Variants in VSTM5 observed in about 807,000 individuals in gnomAD.
VSTM5 encodes V-set and transmembrane domain containing 5, also known as V-set and transmembrane domain-containing protein 5.
VSTM5 carries 21 observed loss-of-function variants against 20.3 expected under a neutral mutation model. The observed-to-expected ratio is 1.03, with a 90% CI of 0.73 to 1.49. VSTM5 has a LOEUF of 1.49. VSTM5 is among the 40% of genes most tolerant of loss of function. VSTM5 has a pLI of 0.00. For missense variants in VSTM5, 219 were observed against 250.0 expected, an observed-to-expected ratio of 0.88 and a Z score of 0.84; for synonymous variants, 100 against 102.5, an observed-to-expected ratio of 0.98 and a Z score of 0.14.
In VSTM5 at chr11:93,820,729, G is replaced by A. The variant is rs1284620889; in HGVS notation, c.559+14C>T. 1.3e-6 allele frequency: 2 copies of A among 1,551,570 alleles called. No individual in the cohort carries two copies. Among genetic ancestry groups the A allele is most frequent in the African/African-American group, 1.4e-5 (1 of 73,034 alleles). ...AAAACCACTCATGGATTATCACAAG[G>A]CCCAGGGGGTTACCTTTGAGTTTGT... On this transcript the variant is annotated intron_variant, in intron 3 of 3. Transcript: ENST00000409977.
At chr11:93,825,191 A>G (rs1013891233) in intron 1 of VSTM5, among the ~76,000 whole-genome samples, 1 of 152,178 alleles carries the variant, frequency 6.6e-6, no homozygotes, top group African/African-American at 2.4e-5. Flanking sequence ...TTCTTGAGAC[A>G]GGGTCTCCCT....
intron 1 of VSTM5, among the ~76,000 whole-genome samples, chr11:93,837,506 T>C (rs1944333512): frequency 6.6e-6 from 1 of 151,908 alleles, no homozygotes; most frequent in South Asian, 2.1e-4. Context: ...AGCAAGGGCT[T>C]CAGAGGAAAT....
At chr11:93,844,413 G>T (rs11821265) in intron 1 of VSTM5, among the ~76,000 whole-genome samples, 17,100 of 151,978 alleles carry the variant, frequency 0.11, 1,764 homozygotes, top group African/African-American at 0.28. Flanking sequence ...GACCCACATC[G>T]CCCTTCTCCT....
intron 1 of VSTM5, among the ~76,000 whole-genome samples, chr11:93,835,839 G>A (rs1944318919): frequency 6.6e-6 from 1 of 152,214 alleles, no homozygotes; most frequent in Non-Finnish European, 1.5e-5. Flanking sequence ...CAGGGGGTAA[G>A]GAGGAGGAAC....
At chr11:93,829,158 C>T (rs1944261362) in intron 1 of VSTM5, among the ~76,000 whole-genome samples, 1 of 152,182 alleles carries the variant, frequency 6.6e-6, no homozygotes, top group African/African-American at 2.4e-5. Flanking sequence ...GACCAACTGC[C>T]CCAGTTTGTC....
At chr11:93,829,042 G>T (rs987497196) in intron 1 of VSTM5, among the ~76,000 whole-genome samples, 1 of 152,186 alleles carries the variant, frequency 6.6e-6, no homozygotes, top group Non-Finnish European at 1.5e-5. Context: ...GTAAGGCTCA[G>T]CAACAGGCCG....
chr11:93,845,194 T>C (rs770858955), intron 1 of VSTM5, among the ~76,000 whole-genome samples: 1 of 152,168 alleles, frequency 6.6e-6, no homozygotes, highest in Non-Finnish European at 1.5e-5. Context: ...CCCTCAGAGA[T>C]AGTGATCTAA....
Position 93,821,019 on chromosome 11 carries a change from G to T in VSTM5, c.396C>A (p.Gly132=), listed in dbSNP as rs1944178763. ...TACCAGAGACGTGCAGCACGATGGT[G>T]CCAAACTGGCTGCTCCCCAGGCGCT... ...VTERLGSSQF[G]TIVLHVSEIL... The change falls in exon 2 of 4, where the codon GGC becomes GGA. Residue 132 remains glycine, a synonymous_variant. Coordinates refer to ENST00000409977, the MANE Select transcript of VSTM5 (RefSeq NM_001144871.2). The T allele has an allele frequency of 6.4e-7, 1 of 1,551,602 alleles. No individual in the cohort carries two copies. Among genetic ancestry groups the T allele is most frequent in the Non-Finnish European group, 8.7e-7 (1 of 1,147,004 alleles).
chr11:93,838,558 G>A (rs1485743402), intron 1 of VSTM5, among the ~76,000 whole-genome samples: 6 of 151,070 alleles, frequency 4.0e-5, no homozygotes, highest in Non-Finnish European at 5.9e-5. Context: ...TTGGGAGGCC[G>A]AGGTGGGCAG....
At chr11:93,824,357 C>G (rs1030367847) in intron 1 of VSTM5, among the ~76,000 whole-genome samples, 2 of 152,124 alleles carry the variant, frequency 1.3e-5, no homozygotes, top group Non-Finnish European at 2.9e-5. Context: ...TAATAGCCAG[C>G]CTAACAGGAG....
intron 1 of VSTM5, among the ~76,000 whole-genome samples, chr11:93,840,059 C>T (rs2135737702): frequency 6.6e-6 from 1 of 152,242 alleles, no homozygotes; most frequent in Non-Finnish European, 1.5e-5. Context: ...TGGAATAGTC[C>T]CTCTTACAGG....
At position 93,850,396 on chromosome 11, in the gene VSTM5, G is replaced by A; in HGVS notation, c.91+16C>T. ...TTCCCGCTCCCCCAGCACCCGGGGC[G>A]TCCCCCGGAGCTTACTCTGCAGACA... On this transcript the variant is annotated intron_variant, in intron 1 of 3. Transcript: ENST00000409977. The A allele has an allele frequency of 1.3e-6, 2 of 1,544,116 alleles. No individual in the cohort carries two copies. Among genetic ancestry groups the A allele is most frequent in the African/African-American group, 1.4e-5 (1 of 72,790 alleles).
chr11:93,832,126 A>G (rs905675653), intron 1 of VSTM5, among the ~76,000 whole-genome samples: 4 of 152,252 alleles, frequency 2.6e-5, no homozygotes, highest in Admixed American at 2.6e-4. Context: ...AGTACAGTCA[A>G]TTGTAGCAGC....
At chr11:93,850,320 C>T in intron 1 of VSTM5, 92 bp downstream of exon 1, 2 of 1,154,038 alleles carry the variant, frequency 1.7e-6, no homozygotes, top group Non-Finnish European at 1.2e-6. Context: ...TGGGCGAGGG[C>T]CAGGGGGGCC....
chr11:93,831,856 C>G (rs1944286294), intron 1 of VSTM5, among the ~76,000 whole-genome samples: 1 of 150,816 alleles, frequency 6.6e-6, no homozygotes, highest in Admixed American at 6.6e-5. Context: ...AGTTGACTGA[C>G]CTGGGCCGTT....
chr11:93,835,052 G>C (rs1944313121), intron 1 of VSTM5, among the ~76,000 whole-genome samples: 2 of 152,134 alleles, frequency 1.3e-5, no homozygotes, highest in Non-Finnish European at 2.9e-5. Flanking sequence ...GGACTCTATA[G>C]AGAGGTCTCA....
chr11:93,835,818 C>T (rs752962974), intron 1 of VSTM5, among the ~76,000 whole-genome samples: 20 of 152,162 alleles, frequency 1.3e-4, no homozygotes, highest in Non-Finnish European at 2.5e-4. Flanking sequence ...CTTGGTAACA[C>T]CTATTGGCTC....
chr11:93,824,422 C>G (rs1047510258), intron 1 of VSTM5, among the ~76,000 whole-genome samples: 4 of 152,140 alleles, frequency 2.6e-5, no homozygotes, highest in African/African-American at 9.7e-5. Flanking sequence ...AGTTCAGCAC[C>G]TATTTATGTA....
At chr11:93,826,934 A>G (rs547816108) in intron 1 of VSTM5, among the ~76,000 whole-genome samples, 128 of 152,248 alleles carry the variant, frequency 8.4e-4, no homozygotes, top group African/African-American at 3.0e-3. Context: ...TACTGTGGTC[A>G]GGAAAGACAT....
Sources: allele counts gnomAD v4.1 joint callset (sites outside exome capture counted in the v4.1 genomes callset), GRCh38; gene constraint gnomAD v4.1.1; transcripts MANE v1.5; gene names NCBI Gene and HGNC (gene_info 2026-07-23, HGNC 2026-07-21).